The following VWDE variants were observed in gnomAD, a reference collection of about 807,000 sequenced individuals.
VWDE encodes von Willebrand factor D and EGF domains.
A neutral mutation model predicts 178.4 loss-of-function variants in VWDE; 207 were observed. That is an observed-to-expected ratio of 1.16 (90% CI 1.04 to 1.30). The LOEUF is 1.30. Ranked by LOEUF, VWDE falls within the 50% of genes most tolerant of loss-of-function variation. The probability of loss-of-function intolerance (pLI) is 0.00; values close to 1 mark genes in which losing one functional copy is unlikely to be tolerated. For missense variants in VWDE, 2,287 were observed against 1,901.3 expected, an observed-to-expected ratio of 1.20 and a Z score of -3.77; for synonymous variants, 738 against 651.4, an observed-to-expected ratio of 1.13 and a Z score of -2.02.
intron 9 of VWDE, among the ~76,000 whole-genome samples, chr7:12,374,354 T>C (rs898771949): frequency 3.3e-5 from 5 of 152,070 alleles, no homozygotes; most frequent in African/African-American, 1.2e-4. Flanking sequence ...ATTGTTTTAT[T>C]ATCATATGGA....
intron 15 of VWDE, 47 bp from the exon 16 acceptor site, chr7:12,359,739 GA>G (rs368801196): frequency 1.6e-3 from 1,727 of 1,072,518 alleles, no homozygotes; most frequent in South Asian, 2.1e-3. Flanking sequence ...ACAGCGTGTA[GA>G]AAAAAAAAAG....
At chr7:12,345,918 C>G (rs1781574104) in intron 19 of VWDE, among the ~76,000 whole-genome samples, 1 of 152,044 alleles carries the variant, frequency 6.6e-6, no homozygotes, top group African/African-American at 2.4e-5. Context: ...AAATCTTGTA[C>G]TAATTAGTGA....
chr7:12,378,247 C>T (rs1452292961), intron 6 of VWDE, among the ~76,000 whole-genome samples: 1 of 152,164 alleles, frequency 6.6e-6, no homozygotes, highest in Non-Finnish European at 1.5e-5. Flanking sequence ...TTTCTATTTT[C>T]TTCCACTTTA....
chr7:12,383,130 G>T (rs1321468457), intron 4 of VWDE, among the ~76,000 whole-genome samples: 1 of 151,966 alleles, frequency 6.6e-6, no homozygotes, highest in Non-Finnish European at 1.5e-5. Flanking sequence ...CAGCCAATCA[G>T]CAGTTACTGG....
Position 12,369,646 on chromosome 7 carries a change from A to C in VWDE, c.2660T>G (p.Val887Gly). 6.4e-7 allele frequency: 1 copy of C among 1,551,624 alleles called. No homozygotes were observed. Among genetic ancestry groups the C allele is most frequent in the Non-Finnish European group, 8.7e-7 (1 of 1,146,884 alleles). ...YGTSIEDILS[V>G]LKCPNLCSGN... ...GCTGCATAAATTGGGGCATTTTAATACTGAGAGAATGTCTTCAATTGATGT... is the reference window on the plus strand; with the variant it reads ...GCTGCATAAATTGGGGCATTTTAATCCTGAGAGAATGTCTTCAATTGATGT... The change falls in exon 12 of 29, where the codon GTA (valine) becomes GGA (glycine). Residue 887 changes from valine (V) to glycine (G), a missense_variant. Coordinates refer to ENST00000275358, the MANE Select transcript of VWDE (RefSeq NM_001135924.3).
chr7:12,367,155 CAAT>C (rs1782904122), intron 13 of VWDE, among the ~76,000 whole-genome samples, 199 bp downstream of exon 13: 1 of 151,860 alleles, frequency 6.6e-6, no homozygotes, highest in South Asian at 2.1e-4. Flanking sequence ...GCCGATACTT[CAAT>C]AAAAAGTTTA....
At chr7:12,392,083 A>G (rs146963539) in intron 2 of VWDE, among the ~76,000 whole-genome samples, 23 of 152,308 alleles carry the variant, frequency 1.5e-4, no homozygotes, top group Non-Finnish European at 2.6e-4. Flanking sequence ...TGCAGAACTC[A>G]CTTGGGAAAC....
chr7:12,359,496 C>T (rs1782452655), intron 16 of VWDE, 82 bp downstream of exon 16: 2 of 897,698 alleles, frequency 2.2e-6, no homozygotes, highest in Non-Finnish European at 3.4e-6. Context: ...TCATCTTAAA[C>T]ACATTTACGT....
At chr7:12,331,967 T>G (rs1780745880) in intron 28 of VWDE, among the ~76,000 whole-genome samples, 1 of 152,140 alleles carries the variant, frequency 6.6e-6, no homozygotes, top group African/African-American at 2.4e-5. Context: ...TAAGCTCCAT[T>G]TCTTTTTTTT....
In VWDE at chr7:12,359,707, T is replaced by G. The variant is rs764119566; in HGVS notation, c.3160-15A>C. The G allele has an allele frequency of 6.7e-7, 1 of 1,500,200 alleles. No individual in the cohort carries two copies. Among genetic ancestry groups the G allele is most frequent in the South Asian group, 1.3e-5 (1 of 78,986 alleles). The allele number at this position is 1,500,200 out of a possible 1,614,324, so 92.9% of individuals were successfully genotyped here. ...CAAACATTTTCCTAATGGAAAATTTTTAAAAAAGAAAACATCAAAGTACAG... is the reference window on the plus strand; with the variant it reads ...CAAACATTTTCCTAATGGAAAATTTGTAAAAAAGAAAACATCAAAGTACAG... On this transcript the variant is annotated splice_polypyrimidine_tract_variant and intron_variant, in intron 15 of 28. Coordinates refer to ENST00000275358, the MANE Select transcript of VWDE (RefSeq NM_001135924.3).
At chr7:12,355,259 A>G (rs1224650482) in intron 18 of VWDE, among the ~76,000 whole-genome samples, 1 of 152,094 alleles carries the variant, frequency 6.6e-6, no homozygotes, top group Non-Finnish European at 1.5e-5. Flanking sequence ...TACTAAAAAT[A>G]CAAAAAAATT....
chr7:12,355,595 T>G (rs1048771761), intron 18 of VWDE, among the ~76,000 whole-genome samples: 1 of 152,162 alleles, frequency 6.6e-6, no homozygotes, highest in Admixed American at 6.5e-5. Context: ...TTTAAAAAGC[T>G]GCGGGAAATT....
At position 12,369,596 on chromosome 7, in the gene VWDE, CCCATT is replaced by C; in HGVS notation, c.2705_2709del (p.Glu902GlyfsTer9). ...CTAAAGCTTGGGGAACACGCACACC[CCCATT>C]CCATGCACTGCCCATTGCCGCTGCA... On this transcript the variant is annotated frameshift_variant, in exon 12 of 29. Coordinates refer to ENST00000275358, the MANE Select transcript of VWDE (RefSeq NM_001135924.3). LOFTEE classifies it high-confidence loss of function. 9.7e-6 allele frequency: 15 copies of C among 1,550,902 alleles called. No homozygotes were observed. The highest frequency in any genetic ancestry group is 1.7e-4 in the Middle Eastern group (1 of 5,984).
At chr7:12,353,425 G>GA (rs1782054195) in intron 18 of VWDE, among the ~76,000 whole-genome samples, 1 of 151,364 alleles carries the variant, frequency 6.6e-6, no homozygotes, top group South Asian at 2.1e-4. Flanking sequence ...AATTTTGGGG[G>GA]GACGCAGTTC....
chr7:12,354,321 AT>A (rs1356518908), intron 18 of VWDE: 1 of 402,208 alleles, frequency 2.5e-6, no homozygotes, highest in African/African-American at 2.1e-5. Flanking sequence ...AGCAAAAAAA[AT>A]CTCATAGCAG....
intron 23 of VWDE, 107 bp from the exon 24 acceptor site, chr7:12,340,524 G>A: frequency 1.4e-6 from 1 of 724,784 alleles, no homozygotes; most frequent in Admixed American, 3.0e-5. Flanking sequence ...TATTTTTACT[G>A]CAAGTAAAGC....
chr7:12,367,819 A>G (rs62448568), intron 12 of VWDE, among the ~76,000 whole-genome samples: 14,411 of 152,178 alleles, frequency 0.095, 930 homozygotes, highest in Non-Finnish European at 0.14. Flanking sequence ...TGGTTTTGCC[A>G]TTTTGGCTTG....
rs1334284164 is a variant in VWDE, at chr7:12,369,968, G to A, written c.2338C>T (p.Pro780Ser). The A allele has an allele frequency of 6.4e-7, 1 of 1,551,370 alleles. No homozygotes were observed. The highest frequency in any genetic ancestry group is 1.4e-5 in the African/African-American group (1 of 73,094). Reference protein sequence around the residue: ...TDLEELTYFFPEDHAEDVQQE... With the variant: ...TDLEELTYFFSEDHAEDVQQE... Reference sequence around the variant, plus strand: ...TGTACATCCTCAGCATGGTCCTCTGGGAAAAAATAAGTAAGTTCTTCCAGA... The same window carrying A: ...TGTACATCCTCAGCATGGTCCTCTGAGAAAAAATAAGTAAGTTCTTCCAGA... The change falls in exon 12 of 29, where the codon CCA becomes TCA. Residue 780 changes from proline (P) to serine (S), a missense_variant. By Grantham distance (74) the Pro-to-Ser change is moderately conservative (BLOSUM62 -1). Coordinates refer to ENST00000275358, the MANE Select transcript of VWDE (RefSeq NM_001135924.3).
chr7:12,390,654 A>G (rs976332631), intron 2 of VWDE, among the ~76,000 whole-genome samples: 1 of 151,808 alleles, frequency 6.6e-6, no homozygotes, highest in Non-Finnish European at 1.5e-5. Flanking sequence ...TATTTTAACC[A>G]TGTAATATTA....
Sources: gnomAD v4.1 joint callset for allele counts (sites outside exome capture counted in the v4.1 genomes callset) on GRCh38, gnomAD v4.1.1 for gene constraint, MANE v1.5 for transcripts, NCBI Gene and HGNC (gene_info 2026-07-23, HGNC 2026-07-21) for gene names.